The following OR10J1 variants were observed in gnomAD, a reference collection of about 807,000 sequenced individuals.
The protein encoded by OR10J1 is olfactory receptor 10J1.
For missense variants in OR10J1, 474 were observed against 376.6 expected, an observed-to-expected ratio of 1.26 and a Z score of -2.14; for synonymous variants, 202 against 143.8, an observed-to-expected ratio of 1.40 and a Z score of -2.89.
chr1:159,404,734 C>A, the OR10J1 span, among the ~76,000 whole-genome samples: 6 of 152,182 alleles, frequency 3.9e-5, no homozygotes, highest in African/African-American at 1.4e-4. Context: ...AGAACTAGAT[C>A]CAAATCCTAT....
At chr1:159,422,438 G>A in the OR10J1 span, among the ~76,000 whole-genome samples, 1 of 152,138 alleles carries the variant, frequency 6.6e-6, no homozygotes, top group African/African-American at 2.4e-5. Context: ...AGGCAGCTGC[G>A]AGCTGTGGAA....
chr1:159,404,164 T>C, the OR10J1 span, among the ~76,000 whole-genome samples: 4 of 151,870 alleles, frequency 2.6e-5, no homozygotes, highest in East Asian at 1.9e-4. Context: ...TCAAAAAATA[T>C]AGAAAAAATA....
the OR10J1 span, among the ~76,000 whole-genome samples, chr1:159,428,118 G>T: frequency 6.6e-6 from 1 of 151,674 alleles, no homozygotes; most frequent in Non-Finnish European, 1.5e-5. Context: ...TTTAAAGTCC[G>T]AAAAAAAGAC....
chr1:159,402,230 T>C, the OR10J1 span, among the ~76,000 whole-genome samples: 4 of 152,084 alleles, frequency 2.6e-5, no homozygotes, highest in Non-Finnish European at 5.9e-5. Context: ...ATCACTGTTA[T>C]TCAGTATAGT....
chr1:159,405,977 T>A, the OR10J1 span: 1 of 457,928 alleles, frequency 2.2e-6, no homozygotes, highest in Non-Finnish European at 4.1e-6. Context: ...ATGAATACCG[T>A]AAGGGGTTGC....
At chr1:159,411,929 T>C in the OR10J1 span, among the ~76,000 whole-genome samples, 4 of 152,094 alleles carry the variant, frequency 2.6e-5, no homozygotes, top group Non-Finnish European at 5.9e-5. Context: ...ATTGTATATC[T>C]AGAAAACCCC....
the OR10J1 span, among the ~76,000 whole-genome samples, chr1:159,421,061 C>T: frequency 1.3e-5 from 2 of 151,940 alleles, no homozygotes; most frequent in Non-Finnish European, 2.9e-5. Flanking sequence ...TTTCTGGTTC[C>T]CCATATGTCA....
At chr1:159,412,566 G>A in the OR10J1 span, among the ~76,000 whole-genome samples, 2 of 148,660 alleles carry the variant, frequency 1.3e-5, no homozygotes, top group South Asian at 2.1e-4. Context: ...TGACAAACCT[G>A]AGAAAAACAA....
the OR10J1 span, among the ~76,000 whole-genome samples, chr1:159,427,804 T>A: frequency 1.3e-5 from 2 of 152,040 alleles, no homozygotes; most frequent in Admixed American, 6.6e-5. Flanking sequence ...CGGCCAATAA[T>A]GGATAGATGA....
At chr1:159,428,627 C>T in the OR10J1 span, among the ~76,000 whole-genome samples, 7 of 152,148 alleles carry the variant, frequency 4.6e-5, no homozygotes, top group East Asian at 1.9e-4. Flanking sequence ...ACAGTCCTAA[C>T]GAAGTTATGC....
the OR10J1 span, among the ~76,000 whole-genome samples, chr1:159,410,314 A>C: frequency 6.6e-6 from 1 of 152,148 alleles, no homozygotes; most frequent in African/African-American, 2.4e-5. Context: ...TTTGGCTGTG[A>C]ATCCATCTGG....
the OR10J1 span, among the ~76,000 whole-genome samples, chr1:159,427,658 T>C: frequency 6.6e-6 from 1 of 152,000 alleles, no homozygotes; most frequent in African/African-American, 2.4e-5. Flanking sequence ...AAACCTACTC[T>C]TTCCAAAAAA....
At chr1:159,408,092 G>T in the OR10J1 span, among the ~76,000 whole-genome samples, 1 of 151,988 alleles carries the variant, frequency 6.6e-6, no homozygotes, top group African/African-American at 2.4e-5. Flanking sequence ...TATGTTGCAG[G>T]CAGCATCAAG....
At chr1:159,413,685 G>A in the OR10J1 span, among the ~76,000 whole-genome samples, 1 of 141,772 alleles carries the variant, frequency 7.1e-6, no homozygotes, top group African/African-American at 2.6e-5. Context: ...TCTAGGGACT[G>A]TTGTGGGGTA....
At chr1:159,404,460 AT>A in the OR10J1 span, among the ~76,000 whole-genome samples, 1 of 152,154 alleles carries the variant, frequency 6.6e-6, no homozygotes, top group African/African-American at 2.4e-5. Flanking sequence ...ACAGTGCCAC[AT>A]TTGTAAATGA....
chr1:159,418,794 G>A, the OR10J1 span, among the ~76,000 whole-genome samples: 6 of 152,312 alleles, frequency 3.9e-5, no homozygotes, highest in East Asian at 1.2e-3. Context: ...ACACCAGCAC[G>A]TGAAAACAGC....
At chr1:159,399,034 C>T in the OR10J1 span, among the ~76,000 whole-genome samples, 1 of 148,982 alleles carries the variant, frequency 6.7e-6, no homozygotes, top group Non-Finnish European at 1.5e-5. Flanking sequence ...ATACTAAAAG[C>T]AGTCAGAGAA....
chr1:159,410,181 C>A, the OR10J1 span, among the ~76,000 whole-genome samples: 92 of 152,068 alleles, frequency 6.0e-4, 1 homozygote, highest in East Asian at 2.1e-3. Flanking sequence ...TGTCTCTGCC[C>A]GGCTTTGGTA....
the OR10J1 span, among the ~76,000 whole-genome samples, chr1:159,429,542 G>T: frequency 2.0e-4 from 30 of 152,190 alleles, no homozygotes; most frequent in African/African-American, 7.2e-4. Flanking sequence ...CTTCATTCCT[G>T]TGGGAAAAAC....
Sources: allele counts gnomAD v4.1 joint callset (sites outside exome capture counted in the v4.1 genomes callset), GRCh38; gene constraint gnomAD v4.1.1; transcripts MANE v1.5; gene names NCBI Gene and HGNC (gene_info 2026-07-23, HGNC 2026-07-21).